The following MACROD2 variants were observed in gnomAD, a reference collection of about 807,000 sequenced individuals.
MACROD2 encodes the protein ADP-ribose glycohydrolase MACROD2.
A neutral mutation model predicts 70.4 loss-of-function variants in MACROD2; 36 were observed. That is an observed-to-expected ratio of 0.51 (90% CI 0.39 to 0.68). MACROD2 has a LOEUF of 0.68. MACROD2 is among the 30% of genes least tolerant of loss of function. The pLI is 0.00. For synonymous variants in MACROD2, 172 were observed against 178.8 expected, an observed-to-expected ratio of 0.96 and a Z score of 0.30; for missense variants, 496 against 538.4, an observed-to-expected ratio of 0.92 and a Z score of 0.78.
At chr20:15,853,972 C>G (rs1403319868) in intron 8 of MACROD2, among the ~76,000 whole-genome samples, 1 of 152,156 alleles carries the variant, frequency 6.6e-6, no homozygotes, top group Non-Finnish European at 1.5e-5. Context: ...AGTAGGGACA[C>G]AGGCAGCTGC....
intron 2 of MACROD2, among the ~76,000 whole-genome samples, chr20:14,028,123 A>C (rs988901865): frequency 4.6e-5 from 7 of 152,106 alleles, no homozygotes; most frequent in Non-Finnish European, 8.8e-5. Flanking sequence ...AGAGAGGAGG[A>C]ATCTAGAGAG....
At chr20:14,584,218 T>C (rs2123356120) in intron 4 of MACROD2, among the ~76,000 whole-genome samples, 1 of 152,346 alleles carries the variant, frequency 6.6e-6, no homozygotes, top group Middle Eastern at 3.4e-3. Flanking sequence ...AAATTAGCTC[T>C]TCTATACATA....
At chr20:15,859,848 G>A (rs957271743) in intron 8 of MACROD2, among the ~76,000 whole-genome samples, 8 of 151,454 alleles carry the variant, frequency 5.3e-5, no homozygotes, top group African/African-American at 1.9e-4. Flanking sequence ...ATGATAAAAG[G>A]CAGATTATAG....
chr20:14,999,548 A>G (rs555251573), intron 5 of MACROD2, among the ~76,000 whole-genome samples: 13 of 152,158 alleles, frequency 8.5e-5, no homozygotes, highest in Non-Finnish European at 1.8e-4. Flanking sequence ...CAGGAGACTG[A>G]GGTGAAAGGA....
intron 10 of MACROD2, among the ~76,000 whole-genome samples, chr20:15,913,785 A>G (rs779893343): frequency 7.2e-5 from 11 of 152,254 alleles, no homozygotes; most frequent in Non-Finnish European, 1.5e-4. Context: ...GCACAAATGC[A>G]GTCGTAAAGT....
chr20:14,577,413 TA>T (rs1390163951), intron 4 of MACROD2, among the ~76,000 whole-genome samples: 1 of 152,212 alleles, frequency 6.6e-6, no homozygotes, highest in East Asian at 1.9e-4. Flanking sequence ...TTTTAAGACC[TA>T]AAAGGGATTA....
chr20:15,217,676 C>G (rs1238065578), intron 5 of MACROD2, among the ~76,000 whole-genome samples: 2 of 152,126 alleles, frequency 1.3e-5, no homozygotes, highest in African/African-American at 4.8e-5. Context: ...ACCACAACCC[C>G]ATTTCTAAAT....
chr20:15,021,266 G>GTGTATACACACACCTGTT, intron 5 of MACROD2, among the ~76,000 whole-genome samples: 1 of 12,796 alleles, frequency 7.8e-5, no homozygotes, highest in Non-Finnish European at 2.2e-4. Flanking sequence ...ACACACCTGT[G>GTGTATACACACACCTGTT]TGTGTGTATA....
intron 2 of MACROD2, among the ~76,000 whole-genome samples, chr20:14,052,186 T>C (rs1309745028): frequency 6.6e-6 from 1 of 152,088 alleles, no homozygotes; most frequent in Non-Finnish European, 1.5e-5. Context: ...GGAAAGAATA[T>C]TAGTGTCTTT....
intron 7 of MACROD2, among the ~76,000 whole-genome samples, chr20:15,487,619 C>T (rs982750937): frequency 1.3e-5 from 2 of 152,122 alleles, no homozygotes; most frequent in Non-Finnish European, 2.9e-5. Flanking sequence ...GCAGATTCCA[C>T]GTGCTACCAG....
At chr20:14,667,900 G>T (rs948330473) in intron 4 of MACROD2, among the ~76,000 whole-genome samples, 2 of 152,080 alleles carry the variant, frequency 1.3e-5, no homozygotes, top group African/African-American at 2.4e-5. Flanking sequence ...TCACACCTAT[G>T]ATCCTAGCAC....
At chr20:14,219,746 T>G (rs2081653920) in intron 3 of MACROD2, among the ~76,000 whole-genome samples, 1 of 152,188 alleles carries the variant, frequency 6.6e-6, no homozygotes, top group South Asian at 2.1e-4. Flanking sequence ...TCTCCCCCTT[T>G]TCCTGTGGAT....
At chr20:15,227,931 G>T (rs571900206) in intron 5 of MACROD2, among the ~76,000 whole-genome samples, 33 of 143,576 alleles carry the variant, frequency 2.3e-4, no homozygotes, top group Non-Finnish European at 2.2e-4. Flanking sequence ...TGTTATTCTG[G>T]TTCAATTTTT....
At chr20:15,659,449 A>C (rs2049785351) in intron 8 of MACROD2, among the ~76,000 whole-genome samples, 1 of 149,456 alleles carries the variant, frequency 6.7e-6, no homozygotes, top group African/African-American at 2.5e-5. Flanking sequence ...ACCCAAACCC[A>C]CCTTCTTTTA....
At chr20:15,808,027 A>C (rs2063784902) in intron 8 of MACROD2, among the ~76,000 whole-genome samples, 1 of 152,092 alleles carries the variant, frequency 6.6e-6, no homozygotes, top group African/African-American at 2.4e-5. Flanking sequence ...TTCTGTTCTA[A>C]TTACCGGTGT....
chr20:15,909,636 G>T (rs866685526), intron 10 of MACROD2, among the ~76,000 whole-genome samples: 43 of 143,398 alleles, frequency 3.0e-4, no homozygotes, highest in Non-Finnish European at 5.4e-4. Flanking sequence ...CCATTCTCCT[G>T]CCTCAGCCTC....
At chr20:15,331,569 C>T (rs970874277) in intron 6 of MACROD2, among the ~76,000 whole-genome samples, 8 of 151,612 alleles carry the variant, frequency 5.3e-5, no homozygotes, top group Non-Finnish European at 1.5e-5. Flanking sequence ...GAGCTTCAGA[C>T]AATTTATGCT....
At position 15,191,931 on chromosome 20, in the gene MACROD2, T is replaced by TATATATATAG. The variant is rs150210305; in HGVS notation, c.419-38008_419-38007insTATATATAGA. Among the ~76,000 whole-genome samples, 8 of 142,290 alleles carry TATATATATAG rather than the reference T, an allele frequency of 5.6e-5. No individual in the cohort carries two copies. In the South Asian group the frequency reaches 1.1e-3, roughly 20 times the overall value. The allele number at this position is 142,290 out of a possible 152,430, so 93.3% of individuals were successfully genotyped here. ...ACACATATGTGTATATATATATATA[T>TATATATATAG]AGAGAGAGAGAGAGTTAATACATAT... On this transcript the variant is annotated intron_variant, in intron 5 of 17. Coordinates refer to ENST00000684519, the MANE Select transcript of MACROD2 (RefSeq NM_001351661.2).
At chr20:16,043,086 C>G (rs2147615404) in intron 16 of MACROD2, among the ~76,000 whole-genome samples, 1 of 152,182 alleles carries the variant, frequency 6.6e-6, no homozygotes, top group Non-Finnish European at 1.5e-5. Flanking sequence ...TGGCCATTAT[C>G]ACTTGTGTTT....
Sources: allele counts gnomAD v4.1 joint callset (sites outside exome capture counted in the v4.1 genomes callset), GRCh38; gene constraint gnomAD v4.1.1; transcripts MANE v1.5; gene names NCBI Gene and HGNC (gene_info 2026-07-23, HGNC 2026-07-21).